The following TANC1 variants were observed in gnomAD, a reference collection of about 807,000 sequenced individuals.
TANC1 encodes the protein tetratricopeptide repeat, ankyrin repeat and coiled-coil containing 1.
A neutral mutation model predicts 149.7 loss-of-function variants in TANC1; 77 were observed. The ratio of observed to expected loss-of-function variants is 0.51; its 90% CI spans 0.43 to 0.62. The LOEUF is 0.62. TANC1 is among the 20% of genes least tolerant of loss of function. The probability of loss-of-function intolerance (pLI) is 0.00; values close to 1 mark genes in which losing one functional copy is unlikely to be tolerated. For missense variants in TANC1, 1,985 were observed against 2,321.8 expected (o/e 0.85, Z 2.98); for synonymous variants, 854 against 925.0 (o/e 0.92, Z 1.39).
In TANC1 at chr2:159,169,344, G is replaced by A. The variant is rs866998824; in HGVS notation, c.1041G>A (p.Thr347=). 6 of 1,613,788 alleles carry A rather than the reference G, an allele frequency of 3.7e-6. No homozygotes were observed. Among genetic ancestry groups the A allele is most frequent in the Admixed American group, 3.3e-5 (2 of 59,992 alleles). Residue 347 remains threonine (T), a synonymous_variant, in exon 9 of 27, where the codon ACG becomes ACA. Coordinates refer to ENST00000263635, the MANE Select transcript of TANC1 (RefSeq NM_033394.3). ...CAATTAGATTACCATGGCACAATAC[G>A]GCCGGAGGTAGGGCACAGGAAGTTA... ...RTSIRLPWHN[T]AGGRAQEVKA...
intron 3 of TANC1, among the ~76,000 whole-genome samples, chr2:159,075,221 G>A (rs1255073118): frequency 6.6e-6 from 1 of 152,104 alleles, no homozygotes; most frequent in African/African-American, 2.4e-5. Flanking sequence ...AAGTAAAAAT[G>A]AGAATATCAG....
intron 4 of TANC1, among the ~76,000 whole-genome samples, chr2:159,115,587 A>G (rs2048164659): frequency 6.6e-6 from 1 of 152,154 alleles, no homozygotes; most frequent in Admixed American, 6.6e-5. Flanking sequence ...AGCAAATGGA[A>G]TCAATGAACT....
intron 2 of TANC1, among the ~76,000 whole-genome samples, chr2:159,053,583 T>C (rs2149604932): frequency 6.6e-6 from 1 of 152,362 alleles, no homozygotes; most frequent in East Asian, 1.9e-4. Context: ...TATTAGACTG[T>C]ATAAAATTGC....
Position 159,097,781 on chromosome 2 carries a change from T to C in TANC1, c.206T>C (p.Leu69Ser). The change falls in exon 4 of 27, where the codon TTG becomes TCG. Residue 69 changes from leucine to serine, a missense_variant. Physicochemically the swap from Leu to Ser is moderately radical, Grantham distance 145. This residue lies in a region of TANC1 where 557 missense variants were observed against 612.9 expected (regional missense o/e 0.91). Transcript: ENST00000263635. ...TCGATGTCTCTGCCTTCCTCACCTTTGCTGCCTCGACAGTCTCACTTGGTG... is the reference window on the plus strand; with the variant it reads ...TCGATGTCTCTGCCTTCCTCACCTTCGCTGCCTCGACAGTCTCACTTGGTG... ...GVSMSLPSSP[L>S]LPRQSHLVQS... 6.2e-7 allele frequency: 1 copy of C among 1,614,026 alleles called. No homozygotes were observed. Among genetic ancestry groups the C allele is most frequent in the Non-Finnish European group, 8.5e-7 (1 of 1,180,012 alleles).
At chr2:159,177,713 G>C (rs374112200) in intron 13 of TANC1, among the ~76,000 whole-genome samples, 2 of 152,144 alleles carry the variant, frequency 1.3e-5, no homozygotes, top group African/African-American at 4.8e-5. Flanking sequence ...AAATGAGCAC[G>C]TGCATTTAAA....
chr2:158,975,421 A>G (rs2033532638), intron 1 of TANC1, among the ~76,000 whole-genome samples: 1 of 152,168 alleles, frequency 6.6e-6, no homozygotes, highest in African/African-American at 2.4e-5. Context: ...TAAGCCATCA[A>G]TTTTAGTAAT....
At chr2:159,005,255 C>T (rs984973829) in intron 2 of TANC1, among the ~76,000 whole-genome samples, 1 of 152,098 alleles carries the variant, frequency 6.6e-6, no homozygotes, top group Non-Finnish European at 1.5e-5. Context: ...GATTTGGGGG[C>T]CTGTTCCCAA....
intron 5 of TANC1, among the ~76,000 whole-genome samples, chr2:159,146,610 G>A (rs1574955324): frequency 6.7e-6 from 1 of 148,826 alleles, no homozygotes. Context: ...GCACAATCTC[G>A]GCTCACTGCA....
At chr2:158,989,915 G>A (rs2149269105) in intron 1 of TANC1, among the ~76,000 whole-genome samples, 1 of 150,892 alleles carries the variant, frequency 6.6e-6, no homozygotes, top group African/African-American at 2.4e-5. Flanking sequence ...CTGTAAAATG[G>A]GGATTTTTTT....
chr2:159,029,265 T>G (rs969275589), intron 2 of TANC1, among the ~76,000 whole-genome samples: 2 of 152,258 alleles, frequency 1.3e-5, no homozygotes, highest in East Asian at 3.8e-4. Flanking sequence ...TTTAGGATGC[T>G]TCTACACTTT....
chr2:159,215,682 C>T (rs59183934), intron 19 of TANC1, among the ~76,000 whole-genome samples: 4,031 of 152,324 alleles, frequency 0.026, 163 homozygotes, highest in African/African-American at 0.086. Flanking sequence ...CCTTGCTAAT[C>T]GGAAGCCCAC....
chr2:159,186,222 T>G (rs943231444), intron 15 of TANC1, among the ~76,000 whole-genome samples: 1 of 152,208 alleles, frequency 6.6e-6, no homozygotes, highest in African/African-American at 2.4e-5. Context: ...GTTTCCTTAT[T>G]ATTGATTTGT....
intron 19 of TANC1, among the ~76,000 whole-genome samples, chr2:159,214,238 A>T (rs768241740): frequency 6.6e-6 from 1 of 152,056 alleles, no homozygotes; most frequent in Non-Finnish European, 1.5e-5. Flanking sequence ...TAAAAAATGA[A>T]ATTTGGACTA....
intron 2 of TANC1, among the ~76,000 whole-genome samples, chr2:159,035,138 G>A (rs938896424): frequency 1.3e-5 from 2 of 152,340 alleles, no homozygotes; most frequent in Middle Eastern, 3.4e-3. Context: ...AAACAAATTT[G>A]AAGTGTGTCT....
intron 4 of TANC1, among the ~76,000 whole-genome samples, chr2:159,114,250 C>T (rs62171077): frequency 0.031 from 4,782 of 152,204 alleles, 107 homozygotes; most frequent in Non-Finnish European, 0.05. Flanking sequence ...GAGGGGAGGA[C>T]AGATGTGGCC....
At chr2:159,109,599 T>G (rs1010686909) in intron 4 of TANC1, among the ~76,000 whole-genome samples, 10 of 152,214 alleles carry the variant, frequency 6.6e-5, no homozygotes, top group Non-Finnish European at 1.5e-4. Context: ...TTCAAAAATA[T>G]TACATGAGAA....
intron 1 of TANC1, among the ~76,000 whole-genome samples, chr2:158,980,543 G>A (rs1457728152): frequency 6.6e-5 from 10 of 152,076 alleles, no homozygotes; most frequent in South Asian, 2.1e-4. Flanking sequence ...TTGGGAGGCC[G>A]AAGTGGGCAG....
chr2:159,053,841 G>A (rs2041648372), intron 2 of TANC1, among the ~76,000 whole-genome samples: 1 of 152,172 alleles, frequency 6.6e-6, no homozygotes, highest in African/African-American at 2.4e-5. Flanking sequence ...CCCCCTGTGG[G>A]CTAATGAACT....
Position 159,149,187 on chromosome 2 carries a change from A to T in TANC1, c.410A>T (p.Glu137Val). ...NEPSCSPAAQ[E>V]LLTRLGFLLG... Reference sequence around the variant, plus strand: ...CCGAGCTGTTCGCCGGCAGCTCAAGAACTGTTGACAAGGCTGGGATTTTTA... The same window carrying T: ...CCGAGCTGTTCGCCGGCAGCTCAAGTACTGTTGACAAGGCTGGGATTTTTA... The change falls in exon 6 of 27, where the codon GAA (glutamate) becomes GTA (valine). Residue 137 changes from glutamate (E) to valine (V), a missense_variant. Transcript: ENST00000263635. 1 of 1,613,402 alleles carries T rather than the reference A, an allele frequency of 6.2e-7. No homozygotes were observed. Among genetic ancestry groups the T allele is most frequent in the South Asian group, 1.1e-5 (1 of 90,984 alleles).
Sources: allele counts gnomAD v4.1 joint callset (sites outside exome capture counted in the v4.1 genomes callset), GRCh38; gene constraint gnomAD v4.1.1; regional missense constraint gnomAD v4.1.1; transcripts MANE v1.5; gene names NCBI Gene and HGNC (gene_info 2026-07-23, HGNC 2026-07-21).